ACER3: variants seen among roughly 807,000 people sequenced by gnomAD.
ACER3 encodes alkaline ceramidase 3, also known as alkCDase 3.
In ACER3, 16 loss-of-function variants were observed where a neutral mutation model predicts 48.9. That is an observed-to-expected ratio of 0.33 (90% CI 0.22 to 0.50). The LOEUF is 0.50. Among genes scored for constraint, ACER3 ranks in the 20% least tolerant of loss-of-function variants. ACER3 has a pLI of 0.98. For synonymous variants in ACER3, 109 were observed against 107.8 expected, an observed-to-expected ratio of 1.01 and a Z score of -0.07; for missense variants, 227 against 326.0, an observed-to-expected ratio of 0.70 and a Z score of 2.34.
chr11:76,969,993 G>T (rs1005515279), intron 3 of ACER3, among the ~76,000 whole-genome samples: 3 of 151,606 alleles, frequency 2.0e-5, no homozygotes, highest in African/African-American at 7.3e-5. Context: ...AGATCTTATA[G>T]TGTGCAGGGT....
At chr11:76,864,326 A>C (rs1222349793) in intron 1 of ACER3, among the ~76,000 whole-genome samples, 3 of 152,248 alleles carry the variant, frequency 2.0e-5, no homozygotes, top group Non-Finnish European at 4.4e-5. Flanking sequence ...TGACTGTGCA[A>C]GTTAAAACCA....
chr11:76,891,722 T>C (rs1451405454), intron 1 of ACER3, among the ~76,000 whole-genome samples: 2 of 152,160 alleles, frequency 1.3e-5, no homozygotes, highest in Non-Finnish European at 2.9e-5. Context: ...TTAAATTGAT[T>C]TGGAGAACAC....
intron 1 of ACER3, among the ~76,000 whole-genome samples, chr11:76,915,964 G>A (rs1384598177): frequency 6.6e-6 from 1 of 152,180 alleles, no homozygotes; most frequent in Non-Finnish European, 1.5e-5. Flanking sequence ...ATGAGATTTG[G>A]GTGGGGACCC....
At chr11:76,958,787 A>C (rs148637475) in intron 2 of ACER3, 192 bp from the exon 3 acceptor site, 2 of 593,888 alleles carry the variant, frequency 3.4e-6, no homozygotes, top group Non-Finnish European at 5.9e-6. Context: ...GAGAACTTAT[A>C]TTGTACTTCT....
At chr11:76,929,831 G>T (rs1474861276) in intron 2 of ACER3, among the ~76,000 whole-genome samples, 2 of 152,194 alleles carry the variant, frequency 1.3e-5, no homozygotes, top group Non-Finnish European at 2.9e-5. Context: ...ACTTGATCAT[G>T]GTGAATAAGC....
intron 6 of ACER3, among the ~76,000 whole-genome samples, chr11:76,996,593 A>G (rs991888958): frequency 2.0e-5 from 3 of 150,634 alleles, no homozygotes; most frequent in Non-Finnish European, 1.5e-5. Context: ...AATTTTTTGT[A>G]TTTTTTAGTA....
chr11:76,861,004 T>G lies in ACER3; in HGVS notation c.28T>G (p.Tyr10Asp). ...GGCTCCGGCCGCGGACCGAGAGGGC[T>G]ACTGGGGCCCCACGACCTCCACGCT... is the stretch of plus-strand genomic sequence containing the variant. MAPAADREGYWGPTTSTLDW... is the reference protein window; with the variant it reads MAPAADREGDWGPTTSTLDW... Residue 10 changes from tyrosine to aspartate, a missense_variant, in exon 1 of 11, where the codon TAC (tyrosine) becomes GAC (aspartate). Around this residue, in one of 3 missense-constraint regions of ACER3, gnomAD observed 27 missense variants for 18.1 expected, o/e 1.49. Transcript: ENST00000532485. The G allele has an allele frequency of 6.5e-7, 1 of 1,545,766 alleles. No individual in the cohort carries two copies. Among genetic ancestry groups the G allele is most frequent in the Non-Finnish European group, 8.7e-7 (1 of 1,145,566 alleles).
chr11:76,884,243 T>G (rs370927238), intron 1 of ACER3, among the ~76,000 whole-genome samples: 3 of 151,192 alleles, frequency 2.0e-5, no homozygotes, highest in African/African-American at 7.3e-5. Context: ...ATGCTTGGAT[T>G]TTTTTTTTCC....
intron 1 of ACER3, among the ~76,000 whole-genome samples, chr11:76,889,452 G>C (rs965204808): frequency 6.6e-6 from 1 of 151,932 alleles, no homozygotes; most frequent in Non-Finnish European, 1.5e-5. Context: ...TTTAGCCAAG[G>C]GTTTATTTCA....
chr11:76,890,737 G>GAT (rs1268940129), intron 1 of ACER3, among the ~76,000 whole-genome samples: 2 of 152,112 alleles, frequency 1.3e-5, no homozygotes, highest in Non-Finnish European at 2.9e-5. Flanking sequence ...CAAGTTATGT[G>GAT]ATATATTTTT....
intron 7 of ACER3, among the ~76,000 whole-genome samples, chr11:77,010,709 A>G (rs946918689): frequency 1.3e-5 from 2 of 152,170 alleles, no homozygotes; most frequent in African/African-American, 4.8e-5. Flanking sequence ...TCAGAGTTCT[A>G]GAACAAGGAA....
chr11:76,988,346 T>C (rs2135214494), intron 5 of ACER3, among the ~76,000 whole-genome samples: 1 of 152,288 alleles, frequency 6.6e-6, no homozygotes, highest in East Asian at 1.9e-4. Context: ...CATGCTGCTA[T>C]AAAGAAATAC....
rs11537265 is a variant in ACER3 at position 76,966,845 on chromosome 11, A to G, written c.267+7814A>G. Among the ~76,000 whole-genome samples, 1,534 of 151,486 alleles carry G rather than the reference A, an allele frequency of 0.01. 67 individuals carry two copies. In the East Asian group the frequency reaches 0.15, roughly 15 times the overall value. The stretch of plus-strand genomic sequence containing the variant: ...AAATGTATAGCACTAAATGCCCACA[A>G]GAGAAAGCAGGAAAGATCTACAATT... On this transcript the variant is annotated intron_variant, in intron 3 of 10. Transcript: ENST00000532485.
intron 1 of ACER3, among the ~76,000 whole-genome samples, chr11:76,926,260 C>G (rs1375577900): frequency 3.9e-5 from 6 of 152,186 alleles, no homozygotes; most frequent in Admixed American, 3.9e-4. Context: ...TCTGCTGTAT[C>G]TCTGAGGTTC....
intron 7 of ACER3, chr11:77,011,360 C>A: frequency 1.0e-6 from 1 of 985,506 alleles, no homozygotes. Context: ...CCCCTGAGAG[C>A]TGAAGATTGG....
At chr11:76,868,170 C>T (rs1205772725) in intron 1 of ACER3, 12 of 1,289,680 alleles carry the variant, frequency 9.3e-6, no homozygotes, top group Non-Finnish European at 1.2e-5. Context: ...AGTGAGCACA[C>T]ATCAGGCTTC....
intron 2 of ACER3, among the ~76,000 whole-genome samples, chr11:76,943,946 C>A (rs1381067125): frequency 6.7e-6 from 1 of 148,638 alleles, no homozygotes; most frequent in East Asian, 2.0e-4. Flanking sequence ...GATTTAAAGT[C>A]TATTTTATCT....
At chr11:76,879,079 G>A (rs1314692667) in intron 1 of ACER3, among the ~76,000 whole-genome samples, 2 of 152,006 alleles carry the variant, frequency 1.3e-5, no homozygotes, top group Admixed American at 6.6e-5. Context: ...TTTGCCAAAT[G>A]GATGTTTTGT....
intron 1 of ACER3, among the ~76,000 whole-genome samples, chr11:76,870,295 T>C (rs117417325): frequency 2.5e-3 from 368 of 149,946 alleles, no homozygotes; most frequent in Non-Finnish European, 4.5e-3. Flanking sequence ...CCACCACACC[T>C]GTCTATTTTT....
Sources: allele counts gnomAD v4.1 joint callset (sites outside exome capture counted in the v4.1 genomes callset), GRCh38; gene constraint gnomAD v4.1.1; regional missense constraint gnomAD v4.1.1; transcripts MANE v1.5; gene names NCBI Gene and HGNC (gene_info 2026-07-23, HGNC 2026-07-21).